CCSER1: variants seen among roughly 807,000 people sequenced by gnomAD.
CCSER1 encodes serine-rich coiled-coil domain-containing protein 1.
A neutral mutation model predicts 82.0 loss-of-function variants in CCSER1; 41 were observed. The ratio of observed to expected loss-of-function variants is 0.50; its 90% confidence interval spans 0.39 to 0.65. The LOEUF is 0.65. CCSER1 is among the 30% of genes least tolerant of loss of function. The pLI, the probability that CCSER1 is intolerant of heterozygous loss-of-function variation, is 0.00. For synonymous variants in CCSER1, 414 were observed against 383.9 expected (o/e 1.08, Z -0.92); for missense variants, 1,119 against 1,064.2 (o/e 1.05, Z -0.72).
At chr4:90,931,180 TAC>T (rs772191808) in intron 9 of CCSER1, among the ~76,000 whole-genome samples, 25 of 150,100 alleles carry the variant, frequency 1.7e-4, no homozygotes, top group African/African-American at 5.6e-4. Flanking sequence ...TGCACATATA[TAC>T]ACACACACAC....
chr4:90,182,779 CCTAA>C (rs1451035272), intron 1 of CCSER1, among the ~76,000 whole-genome samples: 4 of 152,008 alleles, frequency 2.6e-5, no homozygotes, highest in Admixed American at 2.6e-4. Flanking sequence ...GAAATGTACA[CCTAA>C]CTAATACCTT....
intron 1 of CCSER1, among the ~76,000 whole-genome samples, chr4:90,161,222 C>T (rs1729372453): frequency 6.6e-6 from 1 of 152,016 alleles, no homozygotes; most frequent in African/African-American, 2.4e-5. Flanking sequence ...TTGGATTCTT[C>T]CAAGTACACA....
chr4:90,164,583 A>G (rs1730108008), intron 1 of CCSER1, among the ~76,000 whole-genome samples: 1 of 152,110 alleles, frequency 6.6e-6, no homozygotes, highest in South Asian at 2.1e-4. Flanking sequence ...TTAAAGGTGG[A>G]TTAAAAAGAA....
At chr4:90,520,889 G>T (rs1028746158) in intron 5 of CCSER1, among the ~76,000 whole-genome samples, 1 of 152,100 alleles carries the variant, frequency 6.6e-6, no homozygotes, top group Non-Finnish European at 1.5e-5. Flanking sequence ...CCTGGACAAC[G>T]GAGTGAGACC....
intron 9 of CCSER1, among the ~76,000 whole-genome samples, chr4:91,057,988 T>C (rs2148726694): frequency 6.6e-6 from 1 of 152,278 alleles, no homozygotes; most frequent in South Asian, 2.1e-4. Flanking sequence ...CACCCTCTTT[T>C]CTGCTTTATG....
chr4:90,647,478 T>C (rs1727798348), intron 6 of CCSER1, among the ~76,000 whole-genome samples: 1 of 152,196 alleles, frequency 6.6e-6, no homozygotes, highest in Non-Finnish European at 1.5e-5. Context: ...CTTTATACTC[T>C]GCCATGAAAA....
chr4:91,372,743 C>T (rs149222978), intron 10 of CCSER1, among the ~76,000 whole-genome samples: 312 of 152,070 alleles, frequency 2.1e-3, no homozygotes, highest in African/African-American at 7.3e-3. Flanking sequence ...AAGATGAAGA[C>T]GGTAGTTTAT....
intron 9 of CCSER1, among the ~76,000 whole-genome samples, chr4:90,971,662 C>T (rs72665468): frequency 0.27 from 40,322 of 151,752 alleles, 5,737 homozygotes; most frequent in Non-Finnish European, 0.29. Context: ...ACTCATATTA[C>T]AAGGCCCAAA....
intron 1 of CCSER1, among the ~76,000 whole-genome samples, chr4:90,294,198 CT>C (rs1731439796): frequency 6.6e-6 from 1 of 151,872 alleles, no homozygotes; most frequent in Non-Finnish European, 1.5e-5. Flanking sequence ...ATAAATTTTA[CT>C]ATTAAAATGT....
At chr4:90,862,577 A>G (rs1765232543) in intron 8 of CCSER1, among the ~76,000 whole-genome samples, 1 of 151,868 alleles carries the variant, frequency 6.6e-6, no homozygotes, top group Non-Finnish European at 1.5e-5. Flanking sequence ...GCATGAAACA[A>G]CTCTATCACT....
chr4:90,551,217 T>C (rs2153640758), intron 5 of CCSER1, among the ~76,000 whole-genome samples: 1 of 152,304 alleles, frequency 6.6e-6, no homozygotes, highest in South Asian at 2.1e-4. Context: ...TGTGATAGAA[T>C]GCATGATAGT....
At chr4:91,328,327 C>T (rs1746708899) in intron 10 of CCSER1, among the ~76,000 whole-genome samples, 1 of 152,074 alleles carries the variant, frequency 6.6e-6, no homozygotes, top group Non-Finnish European at 1.5e-5. Context: ...CAATCATGGC[C>T]AAAGGTAAAG....
At chr4:90,311,061 A>G (rs2153480030) in intron 2 of CCSER1, among the ~76,000 whole-genome samples, 1 of 152,184 alleles carries the variant, frequency 6.6e-6, no homozygotes, top group Non-Finnish European at 1.5e-5. Flanking sequence ...TATATGCCCA[A>G]AAATGTACTA....
intron 5 of CCSER1, among the ~76,000 whole-genome samples, chr4:90,489,863 A>G (rs946876028): frequency 6.6e-6 from 1 of 152,062 alleles, no homozygotes; most frequent in African/African-American, 2.4e-5. Flanking sequence ...ATCCATTTTT[A>G]TGGCTGCATA....
intron 10 of CCSER1, among the ~76,000 whole-genome samples, chr4:91,365,197 G>A (rs1749527128): frequency 6.6e-6 from 1 of 152,152 alleles, no homozygotes; most frequent in Non-Finnish European, 1.5e-5. Flanking sequence ...TTAGGGCAGT[G>A]TAGAAATATT....
At chr4:90,663,430 G>T (rs529158215) in intron 6 of CCSER1, among the ~76,000 whole-genome samples, 1 of 152,086 alleles carries the variant, frequency 6.6e-6, no homozygotes, top group South Asian at 2.1e-4. Context: ...AGAAACAAAT[G>T]GGAACCTTAA....
At chr4:90,783,554 G>C (rs967618584) in intron 7 of CCSER1, among the ~76,000 whole-genome samples, 1 of 152,102 alleles carries the variant, frequency 6.6e-6, no homozygotes, top group Non-Finnish European at 1.5e-5. Flanking sequence ...AGGTTCTTAC[G>C]GTAAGGAACT....
intron 10 of CCSER1, among the ~76,000 whole-genome samples, chr4:91,230,016 T>C (rs1738500276): frequency 6.6e-6 from 1 of 152,126 alleles, no homozygotes; most frequent in Admixed American, 6.6e-5. Flanking sequence ...TTAATTTCTT[T>C]TGTACCCCAC....
Position 91,230,218 on chromosome 4 carries a change from T to C in CCSER1, c.2217+144224T>C, listed in dbSNP as rs58297031. 2.1e-3 allele frequency among the ~76,000 whole-genome samples: 321 copies of C among 152,198 alleles called. 1 individual carries two copies. Among genetic ancestry groups the C allele is most frequent in the African/African-American group, 7.4e-3 (306 of 41,540 alleles). ...ATAAATGGCACAAAAGTTGAATCCA[T>C]TTAACTGTAGAGTAAGGATTACAAC... On this transcript the variant is annotated intron_variant, in intron 10 of 10. Transcript: ENST00000509176.
Sources: gnomAD v4.1 joint callset for allele counts (sites outside exome capture counted in the v4.1 genomes callset) on GRCh38, gnomAD v4.1.1 for gene constraint, MANE v1.5 for transcripts, NCBI Gene and HGNC (gene_info 2026-07-23, HGNC 2026-07-21) for gene names.